Variants in KBTBD3 observed in about 807,000 individuals in gnomAD.
The protein encoded by KBTBD3 is kelch repeat and BTB domain containing 3.
In KBTBD3, 38 loss-of-function variants were observed where a neutral mutation model predicts 49.6. The ratio of observed to expected loss-of-function variants is 0.77; its 90% confidence interval spans 0.59 to 1.00. The LOEUF (loss-of-function observed/expected upper bound fraction) is 1.00. Ranked by LOEUF, KBTBD3 falls within the 50% of genes least tolerant of loss-of-function variation. The probability of loss-of-function intolerance (pLI) is 0.00; values close to 1 mark genes in which losing one functional copy is unlikely to be tolerated. For synonymous variants in KBTBD3, 214 were observed against 250.4 expected (o/e 0.85, Z 1.37); for missense variants, 661 against 712.0 (o/e 0.93, Z 0.81).
intron 2 of KBTBD3, among the ~76,000 whole-genome samples, chr11:106,072,322 T>G (rs1212058299): frequency 1.3e-5 from 2 of 152,116 alleles, no homozygotes; most frequent in Non-Finnish European, 2.9e-5. Flanking sequence ...CAATGAATTT[T>G]GCTCATATTG....
At position 106,051,763 on chromosome 11, in the gene KBTBD3, TATC is replaced by T. The variant is rs1172524986; in HGVS notation, c.*1084_*1086del. On this transcript the variant is annotated 3_prime_UTR_variant, in exon 4 of 4. Transcript: ENST00000531837. The stretch of plus-strand genomic sequence containing the variant: ...AACAGATGCAGGTTGTGAATACTAT[TATC>T]AATACCAAAAGCCAAGTCATTTTTT... 6.6e-6 allele frequency: 1 copy of T among 151,538 alleles called. No homozygotes were observed. The highest frequency in any genetic ancestry group is 1.5e-5 in the Non-Finnish European group (1 of 67,728). The allele number at this position is 151,538 out of a possible 1,614,324, so 9.4% of individuals were successfully genotyped here.
intron 2 of KBTBD3, among the ~76,000 whole-genome samples, chr11:106,070,201 C>T (rs1860890874): frequency 6.6e-6 from 1 of 151,818 alleles, no homozygotes; most frequent in East Asian, 1.9e-4. Context: ...CATTAATGAG[C>T]TCTTAGACAT....
At position 106,054,034 on chromosome 11, in the gene KBTBD3, C is replaced by CAACTTTCAGT. The variant is rs1565400832; in HGVS notation, c.645_654dup (p.Val219ThrfsTer6). On this transcript the variant is annotated frameshift_variant, in exon 4 of 4. Coordinates refer to ENST00000531837, the MANE Select transcript of KBTBD3 (RefSeq NM_198439.3). LOFTEE classifies it high-confidence loss of function. ...AAGTTATGTTTAGTCCAACTAAGGA[C>CAACTTTCAGT]AACTTTCAGTACCATTTCTTCTTCA... 6.2e-7 allele frequency: 1 copy of CAACTTTCAGT among 1,613,728 alleles called. No homozygotes were observed. The highest frequency in any genetic ancestry group is 2.2e-5 in the East Asian group (1 of 44,870).
At chr11:106,061,421 G>A (rs1228111153) in intron 2 of KBTBD3, among the ~76,000 whole-genome samples, 1 of 152,156 alleles carries the variant, frequency 6.6e-6, no homozygotes, top group African/African-American at 2.4e-5. Context: ...AGTCATATGT[G>A]GTGTGATGAG....
At chr11:106,059,168 A>G (rs1346825233) in intron 2 of KBTBD3, 59 bp from the exon 3 acceptor site, 5 of 927,858 alleles carry the variant, frequency 5.4e-6, no homozygotes, top group Non-Finnish European at 3.2e-6. Context: ...TCAGACTCCA[A>G]AATTCGCCCT....
At chr11:106,067,775 C>T (rs531314685) in intron 2 of KBTBD3, among the ~76,000 whole-genome samples, 25 of 152,042 alleles carry the variant, frequency 1.6e-4, no homozygotes, top group African/African-American at 5.8e-4. Context: ...GACTTCAATA[C>T]TGACGTTGCA....
Position 106,070,704 on chromosome 11 carries a change from A to T in KBTBD3, c.-13+5803T>A, listed in dbSNP as rs138964545. On this transcript the variant is annotated intron_variant, in intron 2 of 3. Transcript: ENST00000531837. ...CATACACATACCATATTACCCAAGA[A>T]TCATGCTGCTGACCATTAGAAATAA... Among the ~76,000 whole-genome samples, 252 of 152,196 alleles carry T rather than the reference A, an allele frequency of 1.7e-3. 3 individuals are homozygous for T. The highest frequency in any genetic ancestry group is 5.7e-3 in the African/African-American group (236 of 41,560).
At chr11:106,066,040 T>C (rs2034343547) in intron 2 of KBTBD3, among the ~76,000 whole-genome samples, 2 of 151,434 alleles carry the variant, frequency 1.3e-5, no homozygotes, top group Non-Finnish European at 2.9e-5. Context: ...TGCTTTGGTA[T>C]AGATGGGAGA....
chr11:106,071,969 T>G (rs560808378), intron 2 of KBTBD3, among the ~76,000 whole-genome samples: 6 of 152,334 alleles, frequency 3.9e-5, no homozygotes, highest in Admixed American at 3.3e-4. Context: ...GGCAATTATT[T>G]TTCTTCAAAT....
chr11:106,054,291 T>A lies in KBTBD3; in HGVS notation c.398A>T (p.Gln133Leu), dbSNP rs771845590. ...EMFFQLSSFL[Q>L]VSFLSKACSD... ...GCAAGCTTTGGATAGGAAGGAAACT[T>A]GAAGAAATGATGACAACTGGAAGAA... Residue 133 changes from glutamine to leucine, a missense_variant, in exon 4 of 4, where the codon CAA becomes CTA. Transcript: ENST00000531837. The A allele has an allele frequency of 6.2e-7, 1 of 1,613,296 alleles. No homozygotes were observed.
intron 2 of KBTBD3, among the ~76,000 whole-genome samples, chr11:106,074,237 C>T (rs1054606470): frequency 5.3e-5 from 8 of 151,858 alleles, no homozygotes; most frequent in African/African-American, 1.9e-4. Flanking sequence ...AAACAAAAAT[C>T]TGTCCTTTGA....
At position 106,054,166 on chromosome 11, in the gene KBTBD3, G is replaced by GTAA; in HGVS notation, c.520_522dup (p.Leu174dup). On this transcript the variant is annotated inframe_insertion, in exon 4 of 4. Transcript: ENST00000531837. ...AAAGAAAAGTGATGTTGTACAAAGT[G>GTAA]TAATGCATGATCAAACAAACTGGTG... The GTAA allele has an allele frequency of 6.2e-7, 1 of 1,613,002 alleles. No individual in the cohort carries two copies. Among genetic ancestry groups the GTAA allele is most frequent in the Non-Finnish European group, 8.5e-7 (1 of 1,179,368 alleles).
chr11:106,070,870 G>A (rs546081603), intron 2 of KBTBD3, among the ~76,000 whole-genome samples: 2 of 152,130 alleles, frequency 1.3e-5, no homozygotes, highest in Admixed American at 6.5e-5. Flanking sequence ...AATACTACTC[G>A]CCATTAAAAA....
intron 3 of KBTBD3, among the ~76,000 whole-genome samples, chr11:106,056,796 C>T (rs938420167): frequency 8.5e-5 from 13 of 152,058 alleles, no homozygotes; most frequent in Non-Finnish European, 1.6e-4. Flanking sequence ...TATTAAGAGG[C>T]CCACTACTTA....
chr11:106,060,512 G>A (rs989143655), intron 2 of KBTBD3, among the ~76,000 whole-genome samples: 1 of 151,998 alleles, frequency 6.6e-6, no homozygotes, highest in Non-Finnish European at 1.5e-5. Context: ...TCTGATCTTT[G>A]ACAAACCTGA....
chr11:106,058,834 TA>T (rs1815040092), intron 3 of KBTBD3, 30 bp downstream of exon 3: 2 of 1,287,038 alleles, frequency 1.6e-6, no homozygotes, highest in Non-Finnish European at 2.2e-6. Context: ...ATCCAAATCA[TA>T]AAATCTGAGG....
At chr11:106,073,439 CA>C (rs796372950) in intron 2 of KBTBD3, among the ~76,000 whole-genome samples, 21 of 145,354 alleles carry the variant, frequency 1.4e-4, no homozygotes, top group African/African-American at 3.5e-4. Flanking sequence ...TTTTAATCTT[CA>C]AAAAAAAAAC....
rs572206993 is a variant in KBTBD3, at chr11:106,060,362, T to C, written c.-12-1253A>G. Among the ~76,000 whole-genome samples, 18 of 152,228 alleles carry C rather than the reference T, an allele frequency of 1.2e-4. No homozygotes were observed. The South Asian group carries it at 3.7e-3, about 32-fold the overall frequency. ...TTTTCCAAAACAAAAAAAAAGTTTC[T>C]TGAGAAGGGTTACATTGTTTTATAT... On this transcript the variant is annotated intron_variant, in intron 2 of 3. Coordinates refer to ENST00000531837, the MANE Select transcript of KBTBD3 (RefSeq NM_198439.3).
chr11:106,066,246 A>G (rs538145467), intron 2 of KBTBD3, among the ~76,000 whole-genome samples: 7 of 152,324 alleles, frequency 4.6e-5, no homozygotes, highest in African/African-American at 1.7e-4. Context: ...ACTGATAGGC[A>G]AACAAATGGT....
Sources: gnomAD v4.1 joint callset for allele counts (sites outside exome capture counted in the v4.1 genomes callset) on GRCh38, gnomAD v4.1.1 for gene constraint, MANE v1.5 for transcripts, NCBI Gene and HGNC (gene_info 2026-07-23, HGNC 2026-07-21) for gene names.